Variants in ZNF391 observed in about 807,000 individuals in gnomAD.
ZNF391 encodes zinc finger protein 391.
For missense variants in ZNF391, 375 were observed against 425.5 expected (o/e 0.88, Z 1.04); for synonymous variants, 126 against 142.1 (o/e 0.89, Z 0.80).
intron 1 of ZNF391, among the ~76,000 whole-genome samples, chr6:27,382,034 CAAAA>C (rs58338028): frequency 1.1e-5 from 1 of 88,346 alleles, no homozygotes; most frequent in Non-Finnish European, 2.1e-5. Context: ...GACTCCATCT[CAAAA>C]AAAAAAAAAA....
chr6:27,400,992 C>G lies in ZNF391; in HGVS notation c.622C>G (p.Leu208Val). 1 of 1,614,208 alleles carries G rather than the reference C, an allele frequency of 6.2e-7. No homozygotes were observed. Among genetic ancestry groups the G allele is most frequent in the Non-Finnish European group, 8.5e-7 (1 of 1,180,034 alleles). ...AAAAGCCTTTAGCCGAAGCACTAAC[C>G]TTAGTCAGCATCAGCGAACTCATAC... ...CGKAFSRSTN[L>V]SQHQRTHTQE... Residue 208 changes from leucine (L) to valine (V), a missense_variant, in exon 3 of 3, where the codon CTT becomes GTT. Leu to Val is a conservative substitution (Grantham distance 32, BLOSUM62 1). Coordinates refer to ENST00000244576, the MANE Select transcript of ZNF391 (RefSeq NM_001076781.3).
chr6:27,390,337 A>G (rs752135443), intron 1 of ZNF391, among the ~76,000 whole-genome samples: 75 of 152,238 alleles, frequency 4.9e-4, no homozygotes, highest in Non-Finnish European at 2.2e-4. Context: ...ATAGCAAACC[A>G]CCAGGTTGGC....
rs1581539981 is a variant in ZNF391, at chr6:27,401,620, C to T, written c.*173C>T. 3 of 472,694 alleles carry T rather than the reference C, an allele frequency of 6.3e-6. No individual in the cohort carries two copies. In the East Asian group the frequency reaches 9.6e-5, roughly 15 times the overall value. 29.3% of individuals were successfully genotyped at this position (472,694 alleles called of 1,614,324 possible). On this transcript the variant is annotated 3_prime_UTR_variant, in exon 3 of 3. Coordinates refer to ENST00000244576, the MANE Select transcript of ZNF391 (RefSeq NM_001076781.3). ...CATCCATCTATCCTTCTTTCGTCTC[C>T]CCTCCCTTCTTCCCTCCTTCCCTCC...
In ZNF391 at chr6:27,403,001, CTTTA is replaced by C. The variant is rs774143171; in HGVS notation, c.*1558_*1561del. 2 of 152,138 alleles carry C rather than the reference CTTTA, an allele frequency of 1.3e-5. No homozygotes were observed. Among genetic ancestry groups the C allele is most frequent in the East Asian group, 1.9e-4 (1 of 5,198 alleles). 9.4% of individuals were successfully genotyped at this position (152,138 alleles called of 1,614,324 possible). A position where few individuals can be genotyped will look rare whatever the true frequency, so the allele number is the denominator to read the frequency against. Reference sequence around the variant, plus strand: ...CTTTATCTGTAATCAATCAACTTGACTTTATTTGATATGGATTAATAATTGATTT... The same window carrying C: ...CTTTATCTGTAATCAATCAACTTGACTTTGATATGGATTAATAATTGATTT... On this transcript the variant is annotated 3_prime_UTR_variant, in exon 3 of 3. Transcript: ENST00000244576.
intron 1 of ZNF391, among the ~76,000 whole-genome samples, chr6:27,397,155 C>T (rs141776464): frequency 1.2e-4 from 19 of 152,316 alleles, no homozygotes; most frequent in African/African-American, 3.6e-4. Context: ...GTTCTGCAGG[C>T]TGTGCAAGCA....
At chr6:27,377,331 G>A (rs144353874) in intron 1 of ZNF391, among the ~76,000 whole-genome samples, 42 of 152,306 alleles carry the variant, frequency 2.8e-4, no homozygotes, top group African/African-American at 8.2e-4. Flanking sequence ...ACTTGGTGTT[G>A]TCAGTCTCAT....
rs1280279425 is a variant in ZNF391 at position 27,403,610 on chromosome 6, T to C, written c.*2163T>C. On this transcript the variant is annotated 3_prime_UTR_variant, in exon 3 of 3. Transcript: ENST00000244576. ...TATAATACATAGTACAATGCCAGCC[T>C]GGACTCTAGTTTTAATCTAAATACA... 1.3e-5 allele frequency: 2 copies of C among 152,256 alleles called. No homozygotes were observed. 9.4% of individuals were successfully genotyped at this position (152,256 alleles called of 1,614,324 possible).
chr6:27,378,581 G>C (rs549334661), intron 1 of ZNF391, among the ~76,000 whole-genome samples: 1 of 152,136 alleles, frequency 6.6e-6, no homozygotes, highest in Non-Finnish European at 1.5e-5. Flanking sequence ...GTGGAATGCC[G>C]TCAGTTAAGG....
At chr6:27,389,147 G>A (rs1471681667) in intron 1 of ZNF391, 72 bp downstream of exon 1, 13 of 456,594 alleles carry the variant, frequency 2.8e-5, no homozygotes, top group Non-Finnish European at 4.8e-5. Context: ...AGGGTCGCGT[G>A]TGGTTTGGCT....
intron 1 of ZNF391, among the ~76,000 whole-genome samples, chr6:27,393,348 T>A (rs1761757375): frequency 6.6e-6 from 1 of 152,296 alleles, no homozygotes; most frequent in Non-Finnish European, 1.5e-5. Context: ...GTGGTACCTC[T>A]CCACCTCTTC....
intron 1 of ZNF391, among the ~76,000 whole-genome samples, chr6:27,398,690 C>T (rs1427354981): frequency 6.6e-6 from 1 of 152,074 alleles, no homozygotes; most frequent in Non-Finnish European, 1.5e-5. Flanking sequence ...AACCCCGTCT[C>T]TACTAAAAAT....
At chr6:27,375,976 C>A (rs115718782) in intron 1 of ZNF391, among the ~76,000 whole-genome samples, 1 of 152,108 alleles carries the variant, frequency 6.6e-6, no homozygotes, top group African/African-American at 2.4e-5. Context: ...ACTTCGGGTT[C>A]GCCCTATGTA....
chr6:27,403,607 G>T lies in ZNF391; in HGVS notation c.*2160G>T, dbSNP rs562371931. ...TCATATAATACATAGTACAATGCCAGCCTGGACTCTAGTTTTAATCTAAAT... is the reference window on the plus strand; with the variant it reads ...TCATATAATACATAGTACAATGCCATCCTGGACTCTAGTTTTAATCTAAAT... On this transcript the variant is annotated 3_prime_UTR_variant, in exon 3 of 3. Coordinates refer to ENST00000244576, the MANE Select transcript of ZNF391 (RefSeq NM_001076781.3). 7 of 152,192 alleles carry T rather than the reference G, an allele frequency of 4.6e-5. No homozygotes were observed. Among genetic ancestry groups the T allele is most frequent in the African/African-American group, 9.6e-5 (4 of 41,454 alleles). The allele number at this position is 152,192 out of a possible 1,614,324, so 9.4% of individuals were successfully genotyped here.
rs1761966841 is a variant in ZNF391, at chr6:27,401,411, T to C, written c.1041T>C (p.Thr347=). 1 of 1,611,712 alleles carries C rather than the reference T, an allele frequency of 6.2e-7. No homozygotes were observed. Residue 347 remains threonine, a synonymous_variant, in exon 3 of 3, where the codon ACT becomes ACC. Coordinates refer to ENST00000244576, the MANE Select transcript of ZNF391 (RefSeq NM_001076781.3). ...GAAAAGCCTTCTGTCAGAGTTCAAC[T>C]CTGATCAGACATCAGCACCTTCATA... The part of the protein sequence containing the change: ...DCGKAFCQSS[T]LIRHQHLHTK...
intron 1 of ZNF391, among the ~76,000 whole-genome samples, chr6:27,391,766 G>A (rs1340567516): frequency 6.6e-6 from 1 of 152,120 alleles, no homozygotes; most frequent in African/African-American, 2.4e-5. Context: ...GCCAAATTTT[G>A]CCAAGGGGAC....
intron 1 of ZNF391, among the ~76,000 whole-genome samples, chr6:27,398,210 G>A (rs1026945472): frequency 1.3e-5 from 2 of 152,172 alleles, no homozygotes; most frequent in African/African-American, 4.8e-5. Flanking sequence ...ATCAAATTAT[G>A]CTGTGAGCAG....
intron 1 of ZNF391, among the ~76,000 whole-genome samples, chr6:27,383,093 C>T (rs1458588696): frequency 6.6e-6 from 1 of 151,650 alleles, no homozygotes; most frequent in Non-Finnish European, 1.5e-5. Context: ...GTATTCCAGC[C>T]TGGGCAACAG....
intron 1 of ZNF391, among the ~76,000 whole-genome samples, chr6:27,380,027 C>T (rs563163806): frequency 6.6e-6 from 1 of 152,184 alleles, no homozygotes; most frequent in Non-Finnish European, 1.5e-5. Flanking sequence ...AGAATGCTTC[C>T]CCTTCCCCTA....
intron 1 of ZNF391, among the ~76,000 whole-genome samples, chr6:27,391,914 A>G (rs1391056343): frequency 6.6e-6 from 1 of 152,050 alleles, no homozygotes; most frequent in East Asian, 1.9e-4. Flanking sequence ...GGACCTTGAG[A>G]TCTTACATGT....
Sources: allele counts gnomAD v4.1 joint callset (sites outside exome capture counted in the v4.1 genomes callset), GRCh38; gene constraint gnomAD v4.1.1; transcripts MANE v1.5; gene names NCBI Gene and HGNC (gene_info 2026-07-23, HGNC 2026-07-21).